The following TMEM260 variants were observed in gnomAD, a reference collection of about 807,000 sequenced individuals.
TMEM260 encodes transmembrane protein 260.
A neutral mutation model predicts 88.9 loss-of-function variants in TMEM260; 82 were observed. That is an observed-to-expected ratio of 0.92 (90% confidence interval 0.77 to 1.11). TMEM260 has a LOEUF of 1.11. TMEM260 is among the 50% of genes least tolerant of loss of function. The pLI is 0.00. For synonymous variants in TMEM260, 314 were observed against 309.3 expected, an observed-to-expected ratio of 1.02 and a Z score of -0.16; for missense variants, 902 against 853.4, an observed-to-expected ratio of 1.06 and a Z score of -0.71.
Position 56,646,952 on chromosome 14 carries a change from G to C in TMEM260, c.1870-291G>C, listed in dbSNP as rs1193738630. 2.6e-5 allele frequency among the ~76,000 whole-genome samples: 4 copies of C among 151,774 alleles called. No individual in the cohort carries two copies. In the East Asian group the frequency reaches 5.8e-4, roughly 22 times the overall value. ...GAATTAAAACTAAATCCCTTCCCCAGAACATCTTTCTGGAGGAAGAGCATT... is the reference window on the plus strand; with the variant it reads ...GAATTAAAACTAAATCCCTTCCCCACAACATCTTTCTGGAGGAAGAGCATT... On this transcript the variant is annotated intron_variant, in intron 15 of 15. Coordinates refer to ENST00000261556, the MANE Select transcript of TMEM260 (RefSeq NM_017799.4).
chr14:56,623,422 CAT>C (rs1239055366), intron 11 of TMEM260, among the ~76,000 whole-genome samples: 1 of 152,070 alleles, frequency 6.6e-6, no homozygotes, highest in Non-Finnish European at 1.5e-5. Flanking sequence ...TTGGAAATAA[CAT>C]GTGCCCCAGA....
At chr14:56,581,740 G>A (rs1885149573) in intron 1 of TMEM260, among the ~76,000 whole-genome samples, 1 of 152,148 alleles carries the variant, frequency 6.6e-6, no homozygotes, top group Non-Finnish European at 1.5e-5. Context: ...GAAAACTAAG[G>A]CTAAGCTATG....
At chr14:56,581,541 T>TA (rs1885134011) in intron 1 of TMEM260, among the ~76,000 whole-genome samples, 1 of 152,144 alleles carries the variant, frequency 6.6e-6, no homozygotes, top group Non-Finnish European at 1.5e-5. Flanking sequence ...TGTAAAAAAA[T>TA]AAAAAGATTG....
intron 15 of TMEM260, among the ~76,000 whole-genome samples, chr14:56,644,087 T>TA (rs1462774821): frequency 6.6e-6 from 1 of 152,148 alleles, no homozygotes; most frequent in African/African-American, 2.4e-5. Context: ...CTGCCCAAGG[T>TA]AATTTATAGA....
intron 12 of TMEM260, among the ~76,000 whole-genome samples, chr14:56,627,083 T>C (rs1270434794): frequency 6.6e-6 from 1 of 152,160 alleles, no homozygotes; most frequent in Non-Finnish European, 1.5e-5. Context: ...TAACGAATAT[T>C]CTATTTTTGG....
chr14:56,629,262 GTTT>G (rs1888427729), intron 12 of TMEM260, among the ~76,000 whole-genome samples: 11 of 122,874 alleles, frequency 9.0e-5, no homozygotes, highest in South Asian at 5.1e-4. Context: ...TAAAGTTTTT[GTTT>G]TTGTTGTTTT....
At chr14:56,603,313 T>C (rs1886690514) in intron 3 of TMEM260, among the ~76,000 whole-genome samples, 5 of 152,226 alleles carry the variant, frequency 3.3e-5, no homozygotes, top group African/African-American at 1.2e-4. Flanking sequence ...TCATCAGATA[T>C]TGTGATCAAG....
At chr14:56,606,992 C>G (rs1886951855) in intron 5 of TMEM260, among the ~76,000 whole-genome samples, 1 of 152,196 alleles carries the variant, frequency 6.6e-6, no homozygotes, top group African/African-American at 2.4e-5. Context: ...TGAAGTCAAT[C>G]ACGTAAGTCC....
At chr14:56,633,570 A>ATT in intron 13 of TMEM260, 1 of 149,496 alleles carries the variant, frequency 6.7e-6, no homozygotes, top group Non-Finnish European at 1.5e-5. Context: ...CAAACTTGTC[A>ATT]TTTTTTTTTT....
intron 3 of TMEM260, among the ~76,000 whole-genome samples, chr14:56,600,257 G>A (rs1886492622): frequency 6.6e-6 from 1 of 152,118 alleles, no homozygotes; most frequent in Admixed American, 6.6e-5. Context: ...TGCTCTTAGA[G>A]GCGTACGTCC....
chr14:56,604,427 C>A (rs1886767997), intron 4 of TMEM260, among the ~76,000 whole-genome samples: 1 of 151,988 alleles, frequency 6.6e-6, no homozygotes, highest in South Asian at 2.1e-4. Flanking sequence ...CAAATGTAAA[C>A]CATGAAGTAG....
At position 56,615,966 on chromosome 14, in the gene TMEM260, A is replaced by T; in HGVS notation, c.880A>T (p.Thr294Ser). 6.2e-7 allele frequency: 1 copy of T among 1,613,270 alleles called. No individual in the cohort carries two copies. The highest frequency in any genetic ancestry group is 8.5e-7 in the Non-Finnish European group (1 of 1,179,360). The change falls in exon 8 of 16, where the codon ACC becomes TCC. Residue 294 changes from threonine (T) to serine (S), a missense_variant. Coordinates refer to ENST00000261556, the MANE Select transcript of TMEM260 (RefSeq NM_017799.4). Reference protein sequence around the residue: ...ILLSQVTNMRTELSFNIQALA... With the variant: ...ILLSQVTNMRSELSFNIQALA... The stretch of plus-strand genomic sequence containing the variant: ...CAGTTCTCAAGTAACAAATATGAGG[A>T]CCGAACTCTCATTCAACATCCAAGC...
chr14:56,616,227 ATTATAT>A, intron 8 of TMEM260, 200 bp downstream of exon 8: 1 of 487,704 alleles, frequency 2.1e-6, no homozygotes. Context: ...GAAATTGAGC[ATTATAT>A]TACATCTAAG....
At chr14:56,605,780 G>A in intron 5 of TMEM260, 97 bp downstream of exon 5, 1 of 717,218 alleles carries the variant, frequency 1.4e-6, no homozygotes, top group Middle Eastern at 4.1e-4. Flanking sequence ...AATTTTTCTT[G>A]GGTTTCATGT....
chr14:56,659,973 C>T, the TMEM260 span, among the ~76,000 whole-genome samples: 2 of 151,774 alleles, frequency 1.3e-5, no homozygotes, highest in South Asian at 4.2e-4. Context: ...AAAAAAAAAA[C>T]CCAAAATATT....
intron 15 of TMEM260, among the ~76,000 whole-genome samples, chr14:56,646,661 T>C (rs1274956071): frequency 6.6e-6 from 1 of 152,228 alleles, no homozygotes; most frequent in African/African-American, 2.4e-5. Flanking sequence ...CTTTTCAGTA[T>C]CTCACTTTAT....
chr14:56,617,695 G>A (rs78834103), intron 9 of TMEM260, among the ~76,000 whole-genome samples: 4 of 152,008 alleles, frequency 2.6e-5, no homozygotes, highest in East Asian at 1.9e-4. Flanking sequence ...AAGAGCAACC[G>A]TATTTCTGTT....
chr14:56,647,381 C>A lies in TMEM260; in HGVS notation c.2008C>A (p.His670Asn). ...PEVLLSETIR[H>N]FRLYSQKAPN... ...AGTGCTGTTATCGGAAACCATCAGA[C>A]ATTTCCGTCTGTACTCTCAGAAAGC... The change falls in exon 16 of 16, where the codon CAT becomes AAT. Residue 670 changes from histidine (H) to asparagine (N), a missense_variant. Coordinates refer to ENST00000261556, the MANE Select transcript of TMEM260 (RefSeq NM_017799.4). 2 of 1,614,202 alleles carry A rather than the reference C, an allele frequency of 1.2e-6. No homozygotes were observed. The highest frequency in any genetic ancestry group is 1.7e-6 in the Non-Finnish European group (2 of 1,180,042).
chr14:56,638,297 T>G (rs1889278839), intron 15 of TMEM260: 1 of 151,982 alleles, frequency 6.6e-6, no homozygotes, highest in African/African-American at 2.4e-5. Context: ...TCAAAGAACC[T>G]TTCCAGGCCT....
Sources: gnomAD v4.1 joint callset for allele counts (sites outside exome capture counted in the v4.1 genomes callset) on GRCh38, gnomAD v4.1.1 for gene constraint, MANE v1.5 for transcripts, NCBI Gene and HGNC (gene_info 2026-07-23, HGNC 2026-07-21) for gene names.